Variants in SHB observed in about 807,000 individuals in gnomAD.
SHB encodes SH2 domain containing adaptor protein B, also known as SH2 domain-containing adapter protein B.
Under a neutral mutation model 52.3 loss-of-function variants are expected in SHB, and 20 were observed. The ratio of observed to expected loss-of-function variants is 0.38; its 90% CI spans 0.27 to 0.56. The LOEUF (loss-of-function observed/expected upper bound fraction) is 0.56, where lower values mean the gene tolerates loss of function less well. Among genes scored for constraint, SHB ranks in the 20% least tolerant of loss-of-function variants. SHB has a pLI of 0.71. For missense variants in SHB, 825 were observed against 723.3 expected, an observed-to-expected ratio of 1.14 and a Z score of -1.61; for synonymous variants, 397 against 316.5, an observed-to-expected ratio of 1.25 and a Z score of -2.70.
intron 1 of SHB, among the ~76,000 whole-genome samples, chr9:38,057,591 T>C (rs926203566): frequency 1.3e-5 from 2 of 152,216 alleles, no homozygotes; most frequent in African/African-American, 4.8e-5. Context: ...ACCATGCCAT[T>C]CCGCAAATGC....
rs1429783350 is a variant in SHB, at chr9:37,919,839, C to T, written c.1512G>A (p.Val504=). The change falls in exon 6 of 6, where the codon GTG becomes GTA. Residue 504 remains valine, a synonymous_variant. Coordinates refer to ENST00000377707, the MANE Select transcript of SHB (RefSeq NM_003028.3). The part of the protein sequence containing the change: ...GAEHLSLLYP[V]AVRTL ...GGTCCGCTCACAGGGTCCTCACAGC[C>T]ACGGGATAGAGGAGGGACAAGTGCT... The T allele has an allele frequency of 6.2e-7, 1 of 1,613,624 alleles. No homozygotes were observed. The highest frequency in any genetic ancestry group is 1.3e-5 in the African/African-American group (1 of 74,902).
chr9:38,019,468 A>G (rs1446031885), intron 1 of SHB, among the ~76,000 whole-genome samples: 1 of 152,204 alleles, frequency 6.6e-6, no homozygotes, highest in Non-Finnish European at 1.5e-5. Context: ...TAGAAACTTC[A>G]CTTTGTGATA....
chr9:37,967,442 C>G (rs1820539841), intron 3 of SHB, among the ~76,000 whole-genome samples: 1 of 152,180 alleles, frequency 6.6e-6, no homozygotes, highest in South Asian at 2.1e-4. Flanking sequence ...CACACGCTGA[C>G]AGTGTCTAGT....
At chr9:37,956,125 G>GTA in intron 3 of SHB, 71 bp from the exon 4 acceptor site, 1 of 1,421,902 alleles carries the variant, frequency 7.0e-7, no homozygotes, top group Non-Finnish European at 9.6e-7. Context: ...GCACAGAAGG[G>GTA]TAACGTTCAG....
chr9:38,021,271 T>C (rs141138223), intron 1 of SHB, among the ~76,000 whole-genome samples: 1,423 of 132,104 alleles, frequency 0.011, 21 homozygotes, highest in African/African-American at 0.039. Context: ...ACCCGGGAGG[T>C]GGAGGTTGTG....
At chr9:37,932,816 C>T (rs999344583) in intron 5 of SHB, among the ~76,000 whole-genome samples, 8 of 152,152 alleles carry the variant, frequency 5.3e-5, no homozygotes, top group African/African-American at 1.4e-4. Context: ...GGTCTCACGA[C>T]GTTGCCCAGG....
rs1832092507 is a variant in SHB, at chr9:37,915,986, G to T, written c.*3835C>A. ...CACATAGATTTGGAATGTTACAAGAGACTTCAGCAGTAGGTGGCTGGTTTA... is the reference window on the plus strand; with the variant it reads ...CACATAGATTTGGAATGTTACAAGATACTTCAGCAGTAGGTGGCTGGTTTA... On this transcript the variant is annotated 3_prime_UTR_variant, in exon 6 of 6. Transcript: ENST00000377707. Among the ~76,000 whole-genome samples, 1 of 152,204 alleles carries T rather than the reference G, an allele frequency of 6.6e-6. No individual in the cohort carries two copies. Among genetic ancestry groups the T allele is most frequent in the African/African-American group, 2.4e-5 (1 of 41,444 alleles).
At chr9:37,981,553 G>A (rs990732687) in intron 2 of SHB, among the ~76,000 whole-genome samples, 1 of 133,234 alleles carries the variant, frequency 7.5e-6, no homozygotes, top group Non-Finnish European at 1.6e-5. Flanking sequence ...ATTCGCAGGA[G>A]TGACACTTTT....
chr9:37,926,052 T>C (rs532858405), intron 5 of SHB, among the ~76,000 whole-genome samples: 1 of 152,068 alleles, frequency 6.6e-6, no homozygotes, highest in Non-Finnish European at 1.5e-5. Flanking sequence ...AACAGGGAAG[T>C]TTGTGCGGAA....
At chr9:38,040,115 C>T (rs1821555416) in intron 1 of SHB, among the ~76,000 whole-genome samples, 2 of 152,330 alleles carry the variant, frequency 1.3e-5, no homozygotes, top group African/African-American at 4.8e-5. Context: ...TCCCCATAGC[C>T]GCTATCTGCT....
intron 3 of SHB, among the ~76,000 whole-genome samples, chr9:37,957,717 C>T (rs1309745000): frequency 5.3e-5 from 8 of 152,224 alleles, no homozygotes; most frequent in Non-Finnish European, 7.3e-5. Flanking sequence ...CCTTATGGAG[C>T]GCAGGGTCCT....
chr9:37,995,633 C>T (rs1820937952), intron 2 of SHB, among the ~76,000 whole-genome samples: 1 of 152,202 alleles, frequency 6.6e-6, no homozygotes, highest in Non-Finnish European at 1.5e-5. Context: ...TCCTTCCTAG[C>T]TTGCTTTCCT....
At position 38,068,879 on chromosome 9, in the gene SHB, T is replaced by C. The variant is rs1822016658; in HGVS notation, c.-234A>G. On this transcript the variant is annotated 5_prime_UTR_variant, in exon 1 of 6. Coordinates refer to ENST00000377707, the MANE Select transcript of SHB (RefSeq NM_003028.3). ...CCTAGCGCCGCCCAAGCTAGGAATCTCGCGCCCCTCGTGGGCGCGTCTCAT... is the reference window on the plus strand; with the variant it reads ...CCTAGCGCCGCCCAAGCTAGGAATCCCGCGCCCCTCGTGGGCGCGTCTCAT... 1 of 153,228 alleles carries C rather than the reference T, an allele frequency of 6.5e-6. No individual in the cohort carries two copies. Among genetic ancestry groups the C allele is most frequent in the Non-Finnish European group, 1.4e-5 (1 of 69,134 alleles). The allele number at this position is 153,228 out of a possible 1,614,324, so 9.5% of individuals were successfully genotyped here. A position where few individuals can be genotyped will look rare whatever the true frequency, so the allele number is the denominator to read the frequency against.
chr9:37,983,402 G>A lies in SHB; in HGVS notation c.839-8565C>T, dbSNP rs117138276. Among the ~76,000 whole-genome samples, 1,386 of 152,332 alleles carry A rather than the reference G, an allele frequency of 9.1e-3. 13 individuals are homozygous for A. The highest frequency in any genetic ancestry group is 0.02 in the Middle Eastern group (6 of 294). The stretch of plus-strand genomic sequence containing the variant: ...TGGGAGATGATGCTGGAGGCAGATG[G>A]AAGTGGGTTTCTGGATGGCCTTAAA... On this transcript the variant is annotated intron_variant, in intron 2 of 5. Transcript: ENST00000377707.
chr9:38,040,007 T>G (rs1444692364), intron 1 of SHB, among the ~76,000 whole-genome samples: 2 of 152,268 alleles, frequency 1.3e-5, no homozygotes, highest in Non-Finnish European at 2.9e-5. Flanking sequence ...CAGGCGTGTT[T>G]ACAGCCGCCT....
chr9:37,979,482 G>A (rs1321991088), intron 2 of SHB, among the ~76,000 whole-genome samples: 1 of 152,168 alleles, frequency 6.6e-6, no homozygotes, highest in Non-Finnish European at 1.5e-5. Context: ...TCTGCCCATG[G>A]GAATGTGGAG....
intron 5 of SHB, among the ~76,000 whole-genome samples, chr9:37,923,603 A>G (rs1564079832): frequency 6.6e-6 from 1 of 152,236 alleles, no homozygotes; most frequent in African/African-American, 2.4e-5. Context: ...TAACAGTTGA[A>G]GATTTAAAAG....
chr9:37,951,461 G>A (rs1282233031), intron 4 of SHB, among the ~76,000 whole-genome samples: 1 of 152,254 alleles, frequency 6.6e-6, no homozygotes, highest in Admixed American at 6.5e-5. Flanking sequence ...GACTTCGGAA[G>A]TAAGAGTTAA....
rs552710273 is a variant in SHB at position 37,929,516 on chromosome 9, C to T, written c.1347-9512G>A. 5.9e-5 allele frequency among the ~76,000 whole-genome samples: 9 copies of T among 152,228 alleles called. No individual in the cohort carries two copies. In the South Asian group the frequency reaches 1.9e-3, roughly 31 times the overall value. ...GGCCGCCTGTCTGGTGTGTCTGGTG[C>T]ACCTGGCTGGCTCTGTGCTGTCTGG... On this transcript the variant is annotated intron_variant, in intron 5 of 5. Coordinates refer to ENST00000377707, the MANE Select transcript of SHB (RefSeq NM_003028.3).
Sources: allele counts gnomAD v4.1 joint callset (sites outside exome capture counted in the v4.1 genomes callset), GRCh38; gene constraint gnomAD v4.1.1; transcripts MANE v1.5; gene names NCBI Gene and HGNC (gene_info 2026-07-23, HGNC 2026-07-21).